Variants in DCDC1 observed in about 807,000 individuals in gnomAD.
The protein encoded by DCDC1 is doublecortin domain containing 1.
Under a neutral mutation model 178.3 loss-of-function variants are expected in DCDC1, and 200 were observed. That is an observed-to-expected ratio of 1.12 (90% CI 1.00 to 1.26). DCDC1 has a LOEUF of 1.26. Ranked by LOEUF, DCDC1 falls within the 50% of genes most tolerant of loss-of-function variation. The pLI is 0.00. For missense variants in DCDC1, 1,983 were observed against 1,749.2 expected, an observed-to-expected ratio of 1.13 and a Z score of -2.38; for synonymous variants, 690 against 604.8, an observed-to-expected ratio of 1.14 and a Z score of -2.07.
chr11:30,986,038 T>C (rs1950623271), intron 20 of DCDC1, among the ~76,000 whole-genome samples: 1 of 152,262 alleles, frequency 6.6e-6, no homozygotes, highest in South Asian at 2.1e-4. Flanking sequence ...GAGGTATGTT[T>C]TTCTGTAGTG....
chr11:31,166,511 A>T (rs1966801560), intron 9 of DCDC1, among the ~76,000 whole-genome samples: 2 of 152,214 alleles, frequency 1.3e-5, no homozygotes, highest in African/African-American at 4.8e-5. Context: ...AAGCATGACA[A>T]AAGAATCAAG....
chr11:30,977,833 G>C (rs201541635), intron 20 of DCDC1, among the ~76,000 whole-genome samples: 23 of 152,124 alleles, frequency 1.5e-4, no homozygotes, highest in Non-Finnish European at 2.6e-4. Context: ...TGGGTGCTGA[G>C]GTGGGAGGAT....
intron 15 of DCDC1, among the ~76,000 whole-genome samples, chr11:31,095,274 A>C (rs576531954): frequency 6.6e-6 from 1 of 152,230 alleles, no homozygotes; most frequent in East Asian, 1.9e-4. Flanking sequence ...TTATAGTAGA[A>C]TGATTTATAA....
At chr11:31,062,178 T>C (rs1221976771) in intron 20 of DCDC1, among the ~76,000 whole-genome samples, 4 of 152,006 alleles carry the variant, frequency 2.6e-5, no homozygotes, top group Non-Finnish European at 5.9e-5. Context: ...CTTTCTTGAG[T>C]AAAGCCCAGG....
intron 24 of DCDC1, among the ~76,000 whole-genome samples, chr11:30,921,768 T>C (rs1161357778): frequency 3.3e-5 from 5 of 152,180 alleles, no homozygotes; most frequent in Non-Finnish European, 7.3e-5. Flanking sequence ...TTGTCCCCTT[T>C]TGAGCTACCC....
chr11:31,059,418 T>G (rs1376802998), intron 20 of DCDC1, among the ~76,000 whole-genome samples: 3 of 151,960 alleles, frequency 2.0e-5, no homozygotes, highest in Non-Finnish European at 4.4e-5. Context: ...ATACAATAAT[T>G]TCATGTTCTT....
intron 1 of DCDC1, among the ~76,000 whole-genome samples, chr11:31,354,694 A>G (rs1951241942): frequency 1.3e-5 from 2 of 152,162 alleles, no homozygotes; most frequent in African/African-American, 4.8e-5. Context: ...TCTCCAATTC[A>G]GTAGGATAGG....
Position 30,999,209 on chromosome 11 carries a change from G to T in DCDC1, c.2592-46641C>A, listed in dbSNP as rs536612793. On this transcript the variant is annotated intron_variant, in intron 20 of 38. Coordinates refer to ENST00000684477, the MANE Select transcript of DCDC1 (RefSeq NM_001387274.1). ...TGGATTAAACCTGGGAAAAGAAAAG[G>T]TAACATCAGTGGAAAAACTGATGAA... 2.0e-5 allele frequency among the ~76,000 whole-genome samples: 3 copies of T among 152,242 alleles called. No individual in the cohort carries two copies. The South Asian group carries it at 6.2e-4, about 32-fold the overall frequency.
chr11:30,979,803 TA>T (rs781587293), intron 20 of DCDC1, among the ~76,000 whole-genome samples: 3 of 152,208 alleles, frequency 2.0e-5, no homozygotes, highest in Non-Finnish European at 4.4e-5. Context: ...GTGACTGTCA[TA>T]AAAGAAGTCA....
At chr11:31,012,591 C>A (rs1243409118) in intron 20 of DCDC1, among the ~76,000 whole-genome samples, 2 of 144,324 alleles carry the variant, frequency 1.4e-5, no homozygotes, top group African/African-American at 2.6e-5. Context: ...GGTGATACAG[C>A]AAGACCCTGT....
chr11:31,297,227 G>A (rs909215877), intron 6 of DCDC1, among the ~76,000 whole-genome samples: 4 of 152,178 alleles, frequency 2.6e-5, no homozygotes, highest in African/African-American at 4.8e-5. Context: ...AAGGCTGGGG[G>A]TGAGTGGAGT....
intron 10 of DCDC1, among the ~76,000 whole-genome samples, chr11:31,132,742 G>T (rs1357054336): frequency 6.6e-6 from 1 of 152,080 alleles, no homozygotes; most frequent in Admixed American, 6.6e-5. Flanking sequence ...GTATGCATAT[G>T]TTGAAAAAAT....
chr11:31,102,305 T>C (rs1258589957), intron 14 of DCDC1, 23 bp from the exon 15 acceptor site: 3 of 651,060 alleles, frequency 4.6e-6, no homozygotes, highest in Non-Finnish European at 8.5e-6. Flanking sequence ...AAATACGTAA[T>C]TATTTTTATT....
intron 38 of DCDC1, among the ~76,000 whole-genome samples, chr11:30,873,364 T>TATAGAGAGAGAG (rs1228106379): frequency 7.3e-6 from 1 of 137,086 alleles, no homozygotes; most frequent in African/African-American, 2.8e-5. Context: ...TATATATATA[T>TATAGAGAGAGAG]AGAGAGAGAG....
At chr11:31,240,763 T>C (rs1419897109) in intron 9 of DCDC1, among the ~76,000 whole-genome samples, 1 of 152,078 alleles carries the variant, frequency 6.6e-6, no homozygotes, top group Non-Finnish European at 1.5e-5. Context: ...AATTCCATTT[T>C]TATGTTATAA....
intron 6 of DCDC1, among the ~76,000 whole-genome samples, chr11:31,292,392 T>C (rs1041370055): frequency 7.9e-5 from 12 of 152,038 alleles, no homozygotes; most frequent in Admixed American, 1.3e-4. Context: ...GATAAACAAA[T>C]GATAGTACAA....
intron 1 of DCDC1, among the ~76,000 whole-genome samples, chr11:31,346,561 A>C (rs1165607397): frequency 6.6e-6 from 1 of 152,092 alleles, no homozygotes; most frequent in Non-Finnish European, 1.5e-5. Context: ...CTTCAGACAT[A>C]CATTTTTGAG....
intron 20 of DCDC1, among the ~76,000 whole-genome samples, chr11:30,973,849 A>G (rs1041756842): frequency 2.0e-5 from 3 of 152,196 alleles, no homozygotes; most frequent in Admixed American, 6.5e-5. Context: ...AAAATTAAGA[A>G]AGAAACATTG....
intron 20 of DCDC1, among the ~76,000 whole-genome samples, chr11:30,987,789 T>C (rs1029011862): frequency 3.9e-5 from 6 of 152,184 alleles, no homozygotes; most frequent in Admixed American, 6.5e-5. Context: ...TCTTAAAACA[T>C]TATAAGTTTT....
Sources: allele counts gnomAD v4.1 joint callset (sites outside exome capture counted in the v4.1 genomes callset), GRCh38; gene constraint gnomAD v4.1.1; transcripts MANE v1.5; gene names NCBI Gene and HGNC (gene_info 2026-07-23, HGNC 2026-07-21).